Variants in KLRF1 observed in about 807,000 individuals in gnomAD.
KLRF1 encodes the protein killer cell lectin like receptor F1, also known as killer cell lectin-like receptor subfamily F member 1.
KLRF1 carries 27 observed loss-of-function variants against 30.7 expected under a neutral mutation model. The observed-to-expected ratio is 0.88, with a 90% CI of 0.65 to 1.21. KLRF1 has a LOEUF of 1.21. Among genes scored for constraint, KLRF1 ranks in the 50% most tolerant of loss-of-function variants. KLRF1 has a pLI of 0.00. For missense variants in KLRF1, 246 were observed against 259.3 expected (o/e 0.95, Z 0.35); for synonymous variants, 92 against 89.3 (o/e 1.03, Z -0.17).
chr12:9,815,978 C>T, the KLRF1 span, among the ~76,000 whole-genome samples: 1 of 152,190 alleles, frequency 6.6e-6, no homozygotes, highest in Non-Finnish European at 1.5e-5. Flanking sequence ...GCCACCACGC[C>T]TAGCTGATTT....
chr12:9,812,981 G>T, the KLRF1 span, among the ~76,000 whole-genome samples: 1 of 152,192 alleles, frequency 6.6e-6, no homozygotes, highest in Non-Finnish European at 1.5e-5. Context: ...ATCATCAAGA[G>T]GTAAAACTTC....
At chr12:9,812,362 C>T in the KLRF1 span, among the ~76,000 whole-genome samples, 1 of 68,358 alleles carries the variant, frequency 1.5e-5, no homozygotes, top group South Asian at 7.9e-4. Flanking sequence ...GAGACGCCGT[C>T]TCAGGAAAAA....
upstream of KLRF1, among the ~76,000 whole-genome samples, chr12:9,824,129 A>G (rs1458709017): frequency 1.3e-5 from 2 of 152,134 alleles, no homozygotes; most frequent in African/African-American, 4.8e-5. Context: ...TATGAGGCCA[A>G]CATCATCCTG....
At chr12:9,824,992 T>C (rs1017295956), upstream of KLRF1, among the ~76,000 whole-genome samples, 7 of 152,138 alleles carry the variant, frequency 4.6e-5, no homozygotes, top group African/African-American at 1.4e-4. Context: ...ATGAAAAACA[T>C]TCCATGCTCA....
At chr12:9,803,434 G>T in the KLRF1 span, among the ~76,000 whole-genome samples, 2 of 151,926 alleles carry the variant, frequency 1.3e-5, no homozygotes, top group African/African-American at 4.8e-5. Context: ...TTTGAAAAAA[G>T]TTCAGTTTAT....
the KLRF1 span, among the ~76,000 whole-genome samples, chr12:9,821,572 T>C: frequency 6.6e-6 from 1 of 152,124 alleles, no homozygotes; most frequent in Non-Finnish European, 1.5e-5. Flanking sequence ...CCCACACCTC[T>C]CTGGGGTAGA....
chr12:9,842,226 T>C (rs1867718302), intron 4 of KLRF1, 95 bp from the exon 5 acceptor site: 2 of 1,319,590 alleles, frequency 1.5e-6, no homozygotes, highest in Admixed American at 2.0e-5. Flanking sequence ...TAAGAATCCC[T>C]ATGCAGAGTG....
the KLRF1 span, among the ~76,000 whole-genome samples, chr12:9,809,123 T>C: frequency 6.6e-6 from 1 of 152,156 alleles, no homozygotes; most frequent in Non-Finnish European, 1.5e-5. Context: ...TTTAGCGAGA[T>C]GAATTTTTTA....
chr12:9,833,276 T>G, intron 2 of KLRF1, 27 bp from the exon 3 acceptor site: 1 of 1,516,374 alleles, frequency 6.6e-7, no homozygotes, highest in Non-Finnish European at 8.9e-7. Context: ...GATATTTACC[T>G]AACCTTAAAA....
chr12:9,827,934 CACTT>C (rs1423992213), intron 1 of KLRF1, among the ~76,000 whole-genome samples: 2 of 152,150 alleles, frequency 1.3e-5, no homozygotes, highest in Admixed American at 6.5e-5. Context: ...GTGGAACTAA[CACTT>C]ACTTGTAATA....
upstream of KLRF1, among the ~76,000 whole-genome samples, chr12:9,824,420 G>A (rs990694381): frequency 6.6e-6 from 1 of 152,052 alleles, no homozygotes; most frequent in Admixed American, 6.6e-5. Flanking sequence ...AAACCAACAC[G>A]CTTTCATGTT....
chr12:9,829,581 C>A (rs1168667043), intron 1 of KLRF1, among the ~76,000 whole-genome samples: 2 of 152,050 alleles, frequency 1.3e-5, no homozygotes, highest in Non-Finnish European at 2.9e-5. Flanking sequence ...ATCAAGACCC[C>A]CATCTCTACA....
At chr12:9,843,934 A>G (rs939476567) in intron 5 of KLRF1, among the ~76,000 whole-genome samples, 8 of 152,170 alleles carry the variant, frequency 5.3e-5, no homozygotes, top group African/African-American at 1.7e-4. Context: ...ATGTTACATT[A>G]TAAGTAAATA....
the KLRF1 span, among the ~76,000 whole-genome samples, chr12:9,807,737 T>C: frequency 6.6e-6 from 1 of 152,166 alleles, no homozygotes; most frequent in Non-Finnish European, 1.5e-5. Flanking sequence ...CTGCTATCAA[T>C]GGCTTTTCTC....
intron 3 of KLRF1, among the ~76,000 whole-genome samples, chr12:9,838,189 A>G (rs1188798822): frequency 6.6e-6 from 1 of 152,100 alleles, no homozygotes; most frequent in African/African-American, 2.4e-5. Context: ...GTGAGCATGC[A>G]AGCAGGCCTC....
the KLRF1 span, among the ~76,000 whole-genome samples, chr12:9,806,130 T>C: frequency 1.3e-5 from 2 of 152,022 alleles, no homozygotes; most frequent in African/African-American, 2.4e-5. Flanking sequence ...CTTAGGTTAT[T>C]ATTTGAGATT....
At chr12:9,813,191 T>G in the KLRF1 span, among the ~76,000 whole-genome samples, 1 of 152,130 alleles carries the variant, frequency 6.6e-6, no homozygotes, top group South Asian at 2.1e-4. Context: ...AGGGTACATG[T>G]GCACAATGTG....
chr12:9,822,336 A>C, the KLRF1 span, among the ~76,000 whole-genome samples: 17 of 152,354 alleles, frequency 1.1e-4, no homozygotes, highest in Admixed American at 3.3e-4. Flanking sequence ...CTGATCTGCT[A>C]GAGCTGGAAA....
Position 9,844,572 on chromosome 12 carries a change from G to A in KLRF1, c.*46G>A. 9.2e-7 allele frequency: 1 copy of A among 1,086,420 alleles called. No homozygotes were observed. The highest frequency in any genetic ancestry group is 1.4e-6 in the Non-Finnish European group (1 of 724,228). 67.3% of individuals were successfully genotyped at this position (1,086,420 alleles called of 1,614,324 possible). ...GAAATAATCAATGATCACTATTTTT[G>A]GCCTATTAGTTTCTAATATTAATCT... On this transcript the variant is annotated 3_prime_UTR_variant, in exon 6 of 6. Transcript: ENST00000617889.
Sources: gnomAD v4.1 joint callset for allele counts (sites outside exome capture counted in the v4.1 genomes callset) on GRCh38, gnomAD v4.1.1 for gene constraint, MANE v1.5 for transcripts, NCBI Gene and HGNC (gene_info 2026-07-23, HGNC 2026-07-21) for gene names.